The following AFAP1 variants were observed in gnomAD, a reference collection of about 807,000 sequenced individuals.
AFAP1 encodes the protein actin filament associated protein 1.
AFAP1 carries 75 observed loss-of-function variants against 93.9 expected under a neutral mutation model. The ratio of observed to expected loss-of-function variants is 0.80; its 90% confidence interval spans 0.66 to 0.97. AFAP1 has a LOEUF of 0.97. Ranked by LOEUF, AFAP1 falls within the 50% of genes least tolerant of loss-of-function variation. The pLI is 0.00. For missense variants in AFAP1, 1,201 were observed against 1,050.8 expected (o/e 1.14, Z -1.98); for synonymous variants, 517 against 430.7 (o/e 1.20, Z -2.48).
chr4:7,937,298 T>C (rs4696685), intron 1 of AFAP1, among the ~76,000 whole-genome samples: 41,637 of 151,384 alleles, frequency 0.28, 6,907 homozygotes, highest in East Asian at 0.74. Context: ...TTTCAAAGGC[T>C]TCCGTTATTT....
At chr4:7,860,464 C>G (rs1012196720) in intron 3 of AFAP1, among the ~76,000 whole-genome samples, 1 of 152,172 alleles carries the variant, frequency 6.6e-6, no homozygotes, top group Non-Finnish European at 1.5e-5. Context: ...GATGTTCAAC[C>G]TGTACTGACC....
chr4:7,767,648 C>T (rs780934501), intron 17 of AFAP1, among the ~76,000 whole-genome samples: 1 of 152,136 alleles, frequency 6.6e-6, no homozygotes, highest in Non-Finnish European at 1.5e-5. Context: ...GACCACTGTT[C>T]TGGGAGGCTG....
At chr4:7,764,589 T>A (rs1010780778) in intron 17 of AFAP1, among the ~76,000 whole-genome samples, 15 of 152,142 alleles carry the variant, frequency 9.9e-5, no homozygotes, top group South Asian at 2.1e-4. Context: ...TAGAAAAAAA[T>A]TTTTTTAAAT....
chr4:7,800,492 G>C lies in AFAP1; in HGVS notation c.1216C>G (p.Pro406Ala). 1 of 1,614,226 alleles carries C rather than the reference G, an allele frequency of 6.2e-7. No homozygotes were observed. The highest frequency in any genetic ancestry group is 8.5e-7 in the Non-Finnish European group (1 of 1,180,042). The change falls in exon 10 of 18, where the codon CCT (proline) becomes GCT (alanine). Residue 406 changes from proline to alanine, a missense_variant. By Grantham distance (27) the Pro-to-Ala change is conservative. Coordinates refer to ENST00000420658, the MANE Select transcript of AFAP1 (RefSeq NM_001134647.2). Reference protein sequence around the residue: ...EVIPGLDSKHPLTFRLLRNGQ... With the variant: ...EVIPGLDSKHALTFRLLRNGQ... ...TTGCGCAGCAGCCGGAACGTCAGAG[G>C]ATGTTTAGAATCCAAACCCGGGATC... is the stretch of plus-strand genomic sequence containing the variant.
intron 1 of AFAP1, among the ~76,000 whole-genome samples, chr4:7,901,749 C>T (rs979372464): frequency 2.0e-5 from 3 of 152,342 alleles, no homozygotes; most frequent in East Asian, 3.9e-4. Flanking sequence ...GAGAACATTC[C>T]TCCAAGTTCC....
chr4:7,892,036 A>C (rs1424066209), intron 1 of AFAP1, among the ~76,000 whole-genome samples: 1 of 152,216 alleles, frequency 6.6e-6, no homozygotes, highest in Non-Finnish European at 1.5e-5. Context: ...CCTGGGCAGC[A>C]AGAACAAAAT....
chr4:7,780,741 A>AT (rs1404460770), intron 13 of AFAP1, among the ~76,000 whole-genome samples: 3 of 152,172 alleles, frequency 2.0e-5, no homozygotes, highest in African/African-American at 7.2e-5. Context: ...GTAGTTCAAC[A>AT]TCACGGTTAT....
At chr4:7,926,988 G>A (rs894495047) in intron 1 of AFAP1, among the ~76,000 whole-genome samples, 4 of 152,122 alleles carry the variant, frequency 2.6e-5, no homozygotes, top group Non-Finnish European at 4.4e-5. Context: ...CACCTGCCTC[G>A]GCCTCCCAAA....
At chr4:7,865,922 G>C (rs1716344206) in intron 3 of AFAP1, among the ~76,000 whole-genome samples, 1 of 152,222 alleles carries the variant, frequency 6.6e-6, no homozygotes. Context: ...TTGAGACGGA[G>C]TCTCGGTCTT....
chr4:7,784,126 C>A (rs150849409), intron 12 of AFAP1, among the ~76,000 whole-genome samples: 9 of 152,230 alleles, frequency 5.9e-5, no homozygotes, highest in African/African-American at 2.2e-4. Flanking sequence ...CTCGCACAAG[C>A]CCCTACCCAG....
At chr4:7,776,189 C>G (rs1275242102) in intron 14 of AFAP1, 2 of 152,202 alleles carry the variant, frequency 1.3e-5, no homozygotes, top group Non-Finnish European at 2.9e-5. Context: ...GTCTGACTCC[C>G]TCACAAGGCT....
chr4:7,817,168 C>T (rs1038615074), intron 7 of AFAP1, among the ~76,000 whole-genome samples: 2 of 152,112 alleles, frequency 1.3e-5, no homozygotes, highest in African/African-American at 2.4e-5. Context: ...CAACATGAAT[C>T]GAGATCTTAA....
intron 1 of AFAP1, among the ~76,000 whole-genome samples, chr4:7,890,885 C>T (rs759754190): frequency 2.0e-5 from 3 of 152,070 alleles, no homozygotes; most frequent in East Asian, 1.9e-4. Flanking sequence ...TAAATGTACA[C>T]GTACCATGAG....
chr4:7,793,780 G>C lies in AFAP1; in HGVS notation c.1313C>G (p.Ala438Gly). 6.4e-7 allele frequency: 1 copy of C among 1,567,008 alleles called. No individual in the cohort carries two copies. ...CGGGTCTGTGGACGATCCCGTCTCTGCGAGTAAAATCCCAATCCACCTGCC... is the reference window on the plus strand; with the variant it reads ...CGGGTCTGTGGACGATCCCGTCTCTCCGAGTAAAATCCCAATCCACCTGCC... ...DMGRWIGILL[A>G]ETGSSTDPEA... Residue 438 changes from alanine (A) to glycine (G), a missense_variant, in exon 11 of 18, where the codon GCA becomes GGA. Physicochemically the swap from Ala to Gly is moderately conservative, Grantham distance 60. Transcript: ENST00000420658.
intron 1 of AFAP1, among the ~76,000 whole-genome samples, chr4:7,907,863 C>A (rs1458186853): frequency 4.6e-5 from 7 of 152,128 alleles, no homozygotes; most frequent in African/African-American, 1.4e-4. Flanking sequence ...GCCATTTAAT[C>A]CATACTAAAG....
chr4:7,889,540 C>T (rs1330351608), intron 1 of AFAP1, among the ~76,000 whole-genome samples: 3 of 129,946 alleles, frequency 2.3e-5, no homozygotes, highest in South Asian at 2.7e-4. Context: ...GCAACTCCAT[C>T]CCAAAAAAAA....
chr4:7,852,867 T>A (rs2149136254), intron 4 of AFAP1, among the ~76,000 whole-genome samples: 1 of 152,212 alleles, frequency 6.6e-6, no homozygotes, highest in East Asian at 1.9e-4. Context: ...GGAGTCAACC[T>A]TGTATGAATA....
chr4:7,894,864 G>A (rs752037963), intron 1 of AFAP1, among the ~76,000 whole-genome samples: 2 of 152,186 alleles, frequency 1.3e-5, no homozygotes, highest in Non-Finnish European at 2.9e-5. Flanking sequence ...CCAACCACGA[G>A]GGGAAGGAAG....
At chr4:7,800,357 G>C (rs1389330033) in intron 10 of AFAP1, 85 bp downstream of exon 10, 9 of 1,409,826 alleles carry the variant, frequency 6.4e-6, no homozygotes, top group Non-Finnish European at 8.8e-6. Flanking sequence ...GAGGAATTTT[G>C]ATAGAGGAGT....
Sources: gnomAD v4.1 joint callset for allele counts (sites outside exome capture counted in the v4.1 genomes callset) on GRCh38, gnomAD v4.1.1 for gene constraint, MANE v1.5 for transcripts, NCBI Gene and HGNC (gene_info 2026-07-23, HGNC 2026-07-21) for gene names.